The following FAM135B variants were observed in gnomAD, a reference collection of about 807,000 sequenced individuals.
FAM135B encodes the protein family with sequence similarity 135 member B.
FAM135B carries 43 observed loss-of-function variants against 127.7 expected under a neutral mutation model. That is an observed-to-expected ratio of 0.34 (90% CI 0.26 to 0.43). FAM135B has a LOEUF of 0.43. FAM135B is among the 20% of genes least tolerant of loss of function. FAM135B has a pLI of 1.00. For synonymous variants in FAM135B, 670 were observed against 665.1 expected (o/e 1.01, Z -0.11); for missense variants, 1,558 against 1,725.6 (o/e 0.90, Z 1.72).
At chr8:138,422,953 T>C (rs970879668) in intron 1 of FAM135B, among the ~76,000 whole-genome samples, 1 of 152,218 alleles carries the variant, frequency 6.6e-6, no homozygotes, top group Non-Finnish European at 1.5e-5. Context: ...AATGAAATCA[T>C]GTTCTTTGCC....
intron 7 of FAM135B, among the ~76,000 whole-genome samples, chr8:138,234,354 C>A (rs1820115614): frequency 6.6e-6 from 1 of 152,138 alleles, no homozygotes; most frequent in Admixed American, 6.5e-5. Context: ...ATCCAGAAAT[C>A]CCATTTCTGA....
At chr8:138,256,133 T>C (rs1288278570) in intron 5 of FAM135B, among the ~76,000 whole-genome samples, 1 of 92,890 alleles carries the variant, frequency 1.1e-5, no homozygotes, top group Admixed American at 1.0e-4. Context: ...CCCAGCTTAG[T>C]TGGCCTGACA....
Position 138,151,739 on chromosome 8 carries a change from A to C in FAM135B, c.2736T>G (p.Asn912Lys), listed in dbSNP as rs1230689926. 1 of 1,614,044 alleles carries C rather than the reference A, an allele frequency of 6.2e-7. No individual in the cohort carries two copies. The highest frequency in any genetic ancestry group is 8.5e-7 in the Non-Finnish European group (1 of 1,180,048). The change falls in exon 13 of 20, where the codon AAT (asparagine) becomes AAG (lysine). Residue 912 changes from asparagine to lysine, a missense_variant. Asn to Lys is a moderately conservative substitution (Grantham distance 94, BLOSUM62 0). Around this residue, in one of 5 missense-constraint regions of FAM135B, gnomAD observed 923 missense variants for 865.3 expected, o/e 1.07. Transcript: ENST00000395297. The part of the protein sequence containing the change: ...ETPKGMPKDL[N>K]VGQQALSNSG... ...TGTTGGAAAGAGCTTGCTGACCCAC[A>C]TTCAAGTCTTTAGGCATGCCCTTTG...
chr8:138,332,100 C>T (rs151224062), intron 2 of FAM135B, among the ~76,000 whole-genome samples: 158 of 152,318 alleles, frequency 1.0e-3, no homozygotes, highest in African/African-American at 3.5e-3. Context: ...CCTGGATCAT[C>T]TGGCTCTGAG....
intron 1 of FAM135B, among the ~76,000 whole-genome samples, chr8:138,413,689 G>A (rs1212964019): frequency 6.6e-6 from 1 of 152,000 alleles, no homozygotes; most frequent in Non-Finnish European, 1.5e-5. Flanking sequence ...ACATAAATCT[G>A]AAAGCTACTC....
chr8:138,178,818 G>T, intron 9 of FAM135B, 128 bp from the exon 10 acceptor site: 1 of 704,196 alleles, frequency 1.4e-6, no homozygotes. Flanking sequence ...TACATCTGTA[G>T]TATTATATAT....
intron 7 of FAM135B, among the ~76,000 whole-genome samples, chr8:138,206,450 T>C (rs1817626388): frequency 6.6e-6 from 1 of 150,642 alleles, no homozygotes; most frequent in South Asian, 2.1e-4. Context: ...CCCCTCCATC[T>C]ACACACAACT....
At chr8:138,453,868 A>G (rs1836630940) in intron 1 of FAM135B, among the ~76,000 whole-genome samples, 1 of 152,198 alleles carries the variant, frequency 6.6e-6, no homozygotes, top group African/African-American at 2.4e-5. Flanking sequence ...CCATCAGGTG[A>G]GGTCAGATTA....
intron 7 of FAM135B, among the ~76,000 whole-genome samples, chr8:138,217,730 C>T (rs1001395026): frequency 2.0e-5 from 3 of 152,096 alleles, no homozygotes; most frequent in Admixed American, 1.3e-4. Flanking sequence ...CATGCCCGGC[C>T]GATATATTTC....
At chr8:138,340,683 T>G (rs1440238427) in intron 2 of FAM135B, among the ~76,000 whole-genome samples, 1 of 152,130 alleles carries the variant, frequency 6.6e-6, no homozygotes, top group Non-Finnish European at 1.5e-5. Context: ...GGGTTCCTCG[T>G]GGTCCAGCTC....
At position 138,256,750 on chromosome 8, in the gene FAM135B, C is replaced by G. The variant is rs369404911; in HGVS notation, c.307G>C (p.Ala103Pro). ...LLLGGERMED[A>P]LSEVDFQLKV... ...AGTTGAAAATCTACTTCACTCAGTG[C>G]GTCTTCCATCTGCAAAAGAAACAAA... The change falls in exon 5 of 20, where the codon GCA (alanine) becomes CCA (proline). Residue 103 changes from alanine to proline, a missense_variant. Ala to Pro is a conservative substitution (Grantham distance 27). Coordinates refer to ENST00000395297, the MANE Select transcript of FAM135B (RefSeq NM_015912.4). 1 of 1,613,358 alleles carries G rather than the reference C, an allele frequency of 6.2e-7. No homozygotes were observed. Among genetic ancestry groups the G allele is most frequent in the African/African-American group, 1.3e-5 (1 of 74,910 alleles).
At chr8:138,304,366 G>C (rs987205139) in intron 3 of FAM135B, among the ~76,000 whole-genome samples, 6 of 152,184 alleles carry the variant, frequency 3.9e-5, no homozygotes. Context: ...AGGTTCTGGG[G>C]ACTGGAAACA....
At chr8:138,292,504 C>T (rs1825186588) in intron 3 of FAM135B, among the ~76,000 whole-genome samples, 1 of 152,036 alleles carries the variant, frequency 6.6e-6, no homozygotes, top group South Asian at 2.1e-4. Flanking sequence ...ACATTCCATG[C>T]TTATGGATAG....
intron 1 of FAM135B, among the ~76,000 whole-genome samples, chr8:138,456,051 G>A (rs1235192367): frequency 6.6e-6 from 1 of 152,216 alleles, no homozygotes. Flanking sequence ...CAAATGTAAT[G>A]TCAGCACATA....
intron 3 of FAM135B, among the ~76,000 whole-genome samples, chr8:138,275,726 T>C (rs1481326422): frequency 2.6e-5 from 4 of 151,948 alleles, no homozygotes; most frequent in Admixed American, 1.3e-4. Flanking sequence ...TGAATAAATA[T>C]AAACCAGACG....
intron 9 of FAM135B, among the ~76,000 whole-genome samples, chr8:138,194,721 A>G (rs184727075): frequency 2.6e-5 from 4 of 152,340 alleles, no homozygotes; most frequent in African/African-American, 9.6e-5. Context: ...ACCCACCCAG[A>G]TATCTAACAC....
chr8:138,420,570 A>G (rs561516961), intron 1 of FAM135B, among the ~76,000 whole-genome samples: 1 of 152,080 alleles, frequency 6.6e-6, no homozygotes, highest in South Asian at 2.1e-4. Context: ...AAAACAGTCC[A>G]CTATCCTTGA....
intron 2 of FAM135B, 52 bp downstream of exon 2, chr8:138,367,851 GAAAC>G: frequency 7.5e-7 from 1 of 1,333,786 alleles, no homozygotes; most frequent in Non-Finnish European, 1.1e-6. Context: ...TCCACGGAAA[GAAAC>G]AAACAACACA....
At chr8:138,399,909 G>C (rs1303686898) in intron 1 of FAM135B, among the ~76,000 whole-genome samples, 1 of 152,178 alleles carries the variant, frequency 6.6e-6, no homozygotes, top group Non-Finnish European at 1.5e-5. Context: ...ATTGCAGAAG[G>C]TATCCCTGAG....
Sources: gnomAD v4.1 joint callset for allele counts (sites outside exome capture counted in the v4.1 genomes callset) on GRCh38, gnomAD v4.1.1 for gene constraint, gnomAD v4.1.1 regional missense constraint, MANE v1.5 for transcripts, NCBI Gene and HGNC (gene_info 2026-07-23, HGNC 2026-07-21) for gene names.